The following PRH1 variants were observed in gnomAD, a reference collection of about 807,000 sequenced individuals.
PRH1 encodes the protein salivary acidic proline-rich phosphoprotein 1/2.
In PRH1, 7 loss-of-function variants were observed where a neutral mutation model predicts 7.9. The ratio of observed to expected loss-of-function variants is 0.89; its 90% CI spans 0.50 to 1.67. PRH1 has a LOEUF of 1.67. Among genes scored for constraint, PRH1 ranks in the 40% most tolerant of loss-of-function variants. The pLI is 0.00. For synonymous variants in PRH1, 45 were observed against 80.8 expected (o/e 0.56, Z 2.38); for missense variants, 109 against 223.6 (o/e 0.49, Z 3.27).
intron 1 of PRH1, among the ~76,000 whole-genome samples, chr12:11,064,803 T>C (rs1943744290): frequency 6.6e-6 from 1 of 152,100 alleles, no homozygotes; most frequent in Admixed American, 6.6e-5. Context: ...GCAGGGTGGC[T>C]CACACCCATA....
At chr12:10,903,947 A>C (rs1375441146) in intron 2 of PRH1, among the ~76,000 whole-genome samples, 2 of 146,514 alleles carry the variant, frequency 1.4e-5, no homozygotes, top group Non-Finnish European at 3.0e-5. Flanking sequence ...AAAAAAAAAA[A>C]AAAAAAACAA....
intron 1 of PRH1, among the ~76,000 whole-genome samples, chr12:11,135,280 A>C (rs1946514245): frequency 6.6e-6 from 1 of 152,154 alleles, no homozygotes; most frequent in Admixed American, 6.6e-5. Context: ...GATGAACAAA[A>C]AATTAATACA....
At chr12:10,988,803 T>C (rs1187607666) in intron 1 of PRH1, among the ~76,000 whole-genome samples, 1 of 151,928 alleles carries the variant, frequency 6.6e-6, no homozygotes, top group African/African-American at 2.4e-5. Flanking sequence ...GAATGATCAT[T>C]TCCTTGATTT....
chr12:10,898,850 A>AT (rs1565457830), intron 2 of PRH1, among the ~76,000 whole-genome samples: 1 of 152,224 alleles, frequency 6.6e-6, no homozygotes, highest in African/African-American at 2.4e-5. Context: ...GTGTGCTAAC[A>AT]TTGGATGTAC....
At chr12:10,979,118 G>C (rs544437604) in intron 1 of PRH1, among the ~76,000 whole-genome samples, 3 of 152,216 alleles carry the variant, frequency 2.0e-5, no homozygotes, top group East Asian at 1.9e-4. Context: ...AGGGCAGGAG[G>C]GGGGTGAGGA....
chr12:11,001,092 G>C (rs1040691970), intron 1 of PRH1, among the ~76,000 whole-genome samples: 6 of 151,774 alleles, frequency 4.0e-5, no homozygotes, highest in Admixed American at 3.3e-4. Flanking sequence ...TAGAATAAAA[G>C]CTTGGTCTAC....
chr12:11,021,833 T>G (rs1941650664), intron 1 of PRH1: 1 of 1,614,148 alleles, frequency 6.2e-7, no homozygotes, highest in African/African-American at 1.3e-5. Context: ...CAAGTTGATG[T>G]GATTATACAC....
intron 1 of PRH1, among the ~76,000 whole-genome samples, chr12:11,000,450 A>G (rs780667633): frequency 8.5e-5 from 13 of 152,110 alleles, no homozygotes; most frequent in Non-Finnish European, 1.8e-4. Flanking sequence ...TCAGGTTGTC[A>G]TTTAGAAAGT....
chr12:10,932,180 T>C, intron 2 of PRH1: 1 of 426,682 alleles, frequency 2.3e-6, no homozygotes, highest in Non-Finnish European at 4.9e-6. Flanking sequence ...ATTAGACATT[T>C]CCTGCCATGT....
Position 11,133,846 on chromosome 12 carries a change from C to A in PRH1, n.40-12666G>T, listed in dbSNP as rs373014170. ...AAACCAAAAATAGCAAAGGCCCCAA[C>A]AGTATCACCAGAACAACACTCTTAA... On this transcript the variant is annotated intron_variant and non_coding_transcript_variant, in intron 1 of 1. Coordinates refer to the PRH1 transcript ENST00000541175. 2.1e-5 allele frequency: 34 copies of A among 1,614,026 alleles called. No individual in the cohort carries two copies. In the African/African-American group the frequency reaches 3.9e-4, roughly 18 times the overall value.
At chr12:11,124,021 T>C (rs2708341) in intron 1 of PRH1, among the ~76,000 whole-genome samples, 69,150 of 142,332 alleles carry the variant, frequency 0.49, 16,531 homozygotes, top group Non-Finnish European at 0.56. Flanking sequence ...TCCTTCTTTT[T>C]CCAACACTTT....
At chr12:11,124,805 A>C (rs1946054812) in intron 1 of PRH1, among the ~76,000 whole-genome samples, 1 of 152,204 alleles carries the variant, frequency 6.6e-6, no homozygotes, top group South Asian at 2.1e-4. Flanking sequence ...ACTAGAGTTA[A>C]GGGTAGTGGG....
intron 1 of PRH1, among the ~76,000 whole-genome samples, chr12:11,013,723 G>T (rs1941162414): frequency 6.7e-6 from 1 of 148,990 alleles, no homozygotes; most frequent in Admixed American, 6.8e-5. Flanking sequence ...AAATATTATT[G>T]ATTCTCCCTA....
chr12:11,084,267 G>A (rs79684279), intron 1 of PRH1, among the ~76,000 whole-genome samples: 8 of 121,446 alleles, frequency 6.6e-5, no homozygotes, highest in African/African-American at 1.8e-4. Context: ...ATTTTCTGTC[G>A]AAGTGTTGGT....
intron 1 of PRH1, among the ~76,000 whole-genome samples, chr12:11,168,101 A>G (rs1947637102): frequency 6.6e-6 from 1 of 151,220 alleles, no homozygotes; most frequent in African/African-American, 2.4e-5. Flanking sequence ...GTCTTTCTTG[A>G]AATATGGAAA....
intron 1 of PRH1, among the ~76,000 whole-genome samples, chr12:11,042,820 G>A (rs553642109): frequency 3.3e-5 from 5 of 151,638 alleles, no homozygotes; most frequent in East Asian, 1.9e-4. Context: ...TAGTAGAGAC[G>A]GGGTTTCACT....
intron 1 of PRH1, chr12:11,171,190 C>T (rs1317577793): frequency 2.4e-6 from 1 of 408,834 alleles, no homozygotes; most frequent in Middle Eastern, 6.2e-4. Flanking sequence ...CCAGCGGCGC[C>T]CGGGGCTACG....
At chr12:11,120,443 C>A (rs1441760537), downstream of PRH1, among the ~76,000 whole-genome samples, 1 of 152,122 alleles carries the variant, frequency 6.6e-6, no homozygotes, top group Non-Finnish European at 1.5e-5. Flanking sequence ...TGATCTCCTG[C>A]GGCTCATGTT....
chr12:11,066,307 C>G (rs1943809343), intron 1 of PRH1, among the ~76,000 whole-genome samples: 1 of 152,132 alleles, frequency 6.6e-6, no homozygotes, highest in African/African-American at 2.4e-5. Flanking sequence ...TCCTAAAATC[C>G]TCTCTTAGAA....
Sources: gnomAD v4.1 joint callset for allele counts (sites outside exome capture counted in the v4.1 genomes callset) on GRCh38, gnomAD v4.1.1 for gene constraint, MANE v1.5 for transcripts, NCBI Gene and HGNC (gene_info 2026-07-23, HGNC 2026-07-21) for gene names.